FOXP1: variants seen among roughly 807,000 people sequenced by gnomAD.
The protein encoded by FOXP1 is forkhead box P1, also known as forkhead box protein P1.
Under a neutral mutation model 98.2 loss-of-function variants are expected in FOXP1, and 15 were observed. The observed-to-expected ratio is 0.15, with a 90% CI of 0.10 to 0.24. The LOEUF (loss-of-function observed/expected upper bound fraction) is 0.24. Ranked by LOEUF, FOXP1 falls within the 10% of genes least tolerant of loss-of-function variation. The pLI is 1.00. For missense variants in FOXP1, 633 were observed against 848.5 expected, an observed-to-expected ratio of 0.75 and a Z score of 3.15; for synonymous variants, 371 against 314.5, an observed-to-expected ratio of 1.18 and a Z score of -1.90.
intron 12 of FOXP1, among the ~76,000 whole-genome samples, chr3:71,004,611 T>C (rs2042539373): frequency 6.6e-6 from 1 of 152,188 alleles, no homozygotes; most frequent in African/African-American, 2.4e-5. Context: ...TACTTAACGT[T>C]GTGCACATTT....
chr3:71,387,281 C>G (rs1455502045), intron 3 of FOXP1, among the ~76,000 whole-genome samples: 1 of 152,206 alleles, frequency 6.6e-6, no homozygotes, highest in Non-Finnish European at 1.5e-5. Context: ...TGGTCTCGTG[C>G]ACACAATGGG....
chr3:71,361,604 T>C (rs2078575425), intron 3 of FOXP1, among the ~76,000 whole-genome samples: 1 of 152,196 alleles, frequency 6.6e-6, no homozygotes, highest in Admixed American at 6.5e-5. Context: ...GCTTCTCTCC[T>C]AAGGGGACAC....
At chr3:71,471,223 C>T (rs2089311566) in intron 3 of FOXP1, among the ~76,000 whole-genome samples, 1 of 151,662 alleles carries the variant, frequency 6.6e-6, no homozygotes, top group Non-Finnish European at 1.5e-5. Flanking sequence ...ATTGAATAAA[C>T]ATACACAAAT....
intron 6 of FOXP1, among the ~76,000 whole-genome samples, chr3:71,124,551 T>C (rs986001346): frequency 2.6e-5 from 4 of 151,850 alleles, no homozygotes; most frequent in African/African-American, 9.7e-5. Flanking sequence ...ACTATTACAA[T>C]TGATACTTAT....
chr3:71,031,890 C>A (rs1370573028), intron 11 of FOXP1, among the ~76,000 whole-genome samples: 4 of 152,222 alleles, frequency 2.6e-5, no homozygotes, highest in Admixed American at 6.5e-5. Context: ...GTGTTTTTAA[C>A]TGACTTTCTA....
At chr3:71,377,591 A>G (rs1451442656) in intron 3 of FOXP1, among the ~76,000 whole-genome samples, 1 of 152,226 alleles carries the variant, frequency 6.6e-6, no homozygotes, top group African/African-American at 2.4e-5. Context: ...CTAAACCAGA[A>G]TTTGAAACTA....
intron 5 of FOXP1, among the ~76,000 whole-genome samples, chr3:71,248,609 C>T (rs1431202688): frequency 3.3e-5 from 5 of 152,006 alleles, no homozygotes; most frequent in Admixed American, 2.0e-4. Flanking sequence ...GGCATAGTGG[C>T]GCGCACATGT....
At chr3:71,213,272 A>G (rs1394617579) in intron 5 of FOXP1, among the ~76,000 whole-genome samples, 1 of 152,232 alleles carries the variant, frequency 6.6e-6, no homozygotes, top group East Asian at 1.9e-4. Context: ...GAAGACAACT[A>G]AGGCAAGCCC....
At chr3:71,109,869 C>T (rs2057766875) in intron 7 of FOXP1, among the ~76,000 whole-genome samples, 1 of 152,082 alleles carries the variant, frequency 6.6e-6, no homozygotes, top group Non-Finnish European at 1.5e-5. Flanking sequence ...ACCAGTCCAC[C>T]AACCTTTTAG....
At chr3:71,504,090 C>T (rs2041625731) in intron 2 of FOXP1, among the ~76,000 whole-genome samples, 2 of 152,262 alleles carry the variant, frequency 1.3e-5, no homozygotes, top group South Asian at 2.1e-4. Flanking sequence ...GTGAGCTTCT[C>T]GGAACCTGAG....
intron 2 of FOXP1, among the ~76,000 whole-genome samples, chr3:71,514,307 T>C (rs1196515784): frequency 1.3e-5 from 2 of 152,216 alleles, no homozygotes; most frequent in African/African-American, 4.8e-5. Flanking sequence ...AAACAGCACC[T>C]TTAAAAAGAA....
intron 4 of FOXP1, among the ~76,000 whole-genome samples, chr3:71,337,914 T>C (rs527664017): frequency 6.6e-6 from 1 of 152,296 alleles, no homozygotes; most frequent in Admixed American, 6.5e-5. Context: ...GGACTCAAGA[T>C]ATGTACCTCC....
intron 7 of FOXP1, among the ~76,000 whole-genome samples, chr3:71,085,623 T>C (rs993567860): frequency 6.6e-6 from 1 of 152,018 alleles, no homozygotes. Context: ...GAAATTCTAA[T>C]AACATTATTA....
intron 3 of FOXP1, among the ~76,000 whole-genome samples, chr3:71,397,416 T>C (rs1386706533): frequency 6.6e-6 from 1 of 152,180 alleles, no homozygotes; most frequent in Non-Finnish European, 1.5e-5. Context: ...TTCCAAGTGA[T>C]ATCCTGAATG....
intron 14 of FOXP1, among the ~76,000 whole-genome samples, chr3:70,978,607 G>C (rs1387784920): frequency 6.6e-6 from 1 of 152,192 alleles, no homozygotes; most frequent in Non-Finnish European, 1.5e-5. Flanking sequence ...GACAGCCCAG[G>C]AAGAGCCTAC....
intron 7 of FOXP1, among the ~76,000 whole-genome samples, chr3:71,094,278 C>CTTTTTTTTTTTT (rs1180804992): frequency 7.8e-6 from 1 of 127,824 alleles, no homozygotes; most frequent in Non-Finnish European, 1.7e-5. Context: ...TTTTTCTTTT[C>CTTTTTTTTTTTT]TTTTTTTTTT....
chr3:71,467,524 T>C (rs1220560796), intron 3 of FOXP1, among the ~76,000 whole-genome samples: 1 of 152,206 alleles, frequency 6.6e-6, no homozygotes, highest in African/African-American at 2.4e-5. Context: ...TCCTTACTAT[T>C]GTTCAAGGTG....
chr3:71,173,040 G>A (rs1381033656), intron 6 of FOXP1, among the ~76,000 whole-genome samples: 1 of 152,140 alleles, frequency 6.6e-6, no homozygotes, highest in Non-Finnish European at 1.5e-5. Context: ...CACTCAGGCT[G>A]GCTGAAACCT....
intron 3 of FOXP1, among the ~76,000 whole-genome samples, chr3:71,450,386 T>C (rs1401095049): frequency 6.6e-6 from 1 of 152,188 alleles, no homozygotes; most frequent in Admixed American, 6.5e-5. Context: ...TCTTCATAAC[T>C]TCACTGCAGA....
Sources: gnomAD v4.1 joint callset for allele counts (sites outside exome capture counted in the v4.1 genomes callset) on GRCh38, gnomAD v4.1.1 for gene constraint, MANE v1.5 for transcripts, NCBI Gene and HGNC (gene_info 2026-07-23, HGNC 2026-07-21) for gene names.